TMEM132C: variants seen among roughly 807,000 people sequenced by gnomAD.
TMEM132C encodes transmembrane protein 132C.
Under a neutral mutation model 61.4 loss-of-function variants are expected in TMEM132C, and 29 were observed. The observed-to-expected ratio is 0.47, with a 90% CI of 0.35 to 0.64. The LOEUF is 0.64. Ranked by LOEUF, TMEM132C falls within the 30% of genes least tolerant of loss-of-function variation. The pLI is 0.00. For synonymous variants in TMEM132C, 656 were observed against 633.1 expected (o/e 1.04, Z -0.54); for missense variants, 1,408 against 1,476.9 (o/e 0.95, Z 0.76).
intron 5 of TMEM132C, among the ~76,000 whole-genome samples, chr12:128,693,486 T>C (rs889931854): frequency 6.6e-6 from 1 of 152,172 alleles, no homozygotes; most frequent in African/African-American, 2.4e-5. Flanking sequence ...TAAGAAATGG[T>C]AGCTAAAAAT....
At chr12:128,268,888 G>T (rs1330682895) in intron 1 of TMEM132C, among the ~76,000 whole-genome samples, 8 of 94,980 alleles carry the variant, frequency 8.4e-5, no homozygotes, top group Admixed American at 7.3e-4. Context: ...GGTGAGAGAG[G>T]GGGGGGAAGA....
chr12:128,528,379 AAG>A (rs1873167541), intron 2 of TMEM132C, among the ~76,000 whole-genome samples: 2 of 152,216 alleles, frequency 1.3e-5, no homozygotes, highest in African/African-American at 2.4e-5. Flanking sequence ...TAGGTAAGGC[AAG>A]CTCATAAAAA....
At chr12:128,568,386 C>G (rs1874769795) in intron 3 of TMEM132C, among the ~76,000 whole-genome samples, 1 of 152,176 alleles carries the variant, frequency 6.6e-6, no homozygotes, top group Non-Finnish European at 1.5e-5. Context: ...CCTTGTTCCA[C>G]AAAGGATTTT....
chr12:128,273,039 A>G (rs1870573720), intron 1 of TMEM132C, among the ~76,000 whole-genome samples: 1 of 152,168 alleles, frequency 6.6e-6, no homozygotes, highest in South Asian at 2.1e-4. Flanking sequence ...GTCACATCTA[A>G]GGAAGCTGTG....
intron 1 of TMEM132C, among the ~76,000 whole-genome samples, chr12:128,272,007 C>A (rs1457929577): frequency 6.6e-6 from 1 of 152,210 alleles, no homozygotes; most frequent in Non-Finnish European, 1.5e-5. Context: ...ATTTTTACAG[C>A]CATCTACTTT....
chr12:128,393,761 C>T (rs1874846002), intron 1 of TMEM132C, among the ~76,000 whole-genome samples: 1 of 152,138 alleles, frequency 6.6e-6, no homozygotes, highest in African/African-American at 2.4e-5. Context: ...AAAAAGGCTG[C>T]TCCATCTCCA....
intron 2 of TMEM132C, among the ~76,000 whole-genome samples, chr12:128,455,875 G>A (rs1174007565): frequency 1.3e-5 from 2 of 152,194 alleles, no homozygotes; most frequent in African/African-American, 2.4e-5. Flanking sequence ...CCAGCAGCAA[G>A]GAGAGGAAGT....
At chr12:128,599,593 T>C (rs1224585036) in intron 3 of TMEM132C, among the ~76,000 whole-genome samples, 1 of 152,170 alleles carries the variant, frequency 6.6e-6, no homozygotes, top group Non-Finnish European at 1.5e-5. Flanking sequence ...CCAGGAAGCT[T>C]TACCAAAATG....
intron 2 of TMEM132C, among the ~76,000 whole-genome samples, chr12:128,480,543 AC>A (rs34319534): frequency 6.6e-6 from 1 of 152,044 alleles, no homozygotes; most frequent in South Asian, 2.1e-4. Flanking sequence ...ATCTGGCTGC[AC>A]CCCCTTTTCT....
At chr12:128,322,393 A>G (rs887337978) in intron 1 of TMEM132C, among the ~76,000 whole-genome samples, 10 of 152,246 alleles carry the variant, frequency 6.6e-5, no homozygotes, top group South Asian at 2.1e-4. Context: ...GCCCTGCCCA[A>G]ATGACAGATT....
At chr12:128,430,793 C>A (rs2136038054) in intron 2 of TMEM132C, among the ~76,000 whole-genome samples, 1 of 152,308 alleles carries the variant, frequency 6.6e-6, no homozygotes, top group Non-Finnish European at 1.5e-5. Context: ...GCACCATGAA[C>A]TGTGCCCATA....
chr12:128,592,403 T>C (rs2135567295), intron 3 of TMEM132C, among the ~76,000 whole-genome samples: 1 of 152,352 alleles, frequency 6.6e-6, no homozygotes. Flanking sequence ...TCCCAGTTTC[T>C]GAATGGCAAG....
chr12:128,529,075 A>G (rs1873191316), intron 2 of TMEM132C, among the ~76,000 whole-genome samples: 1 of 152,190 alleles, frequency 6.6e-6, no homozygotes, highest in Admixed American at 6.5e-5. Context: ...CTTGCCCTGT[A>G]TAACACTCAC....
chr12:128,635,002 T>G (rs1041531122), intron 4 of TMEM132C, among the ~76,000 whole-genome samples: 3 of 152,196 alleles, frequency 2.0e-5, no homozygotes, highest in African/African-American at 7.2e-5. Flanking sequence ...GAAGAAGCAG[T>G]TTTCATTCTT....
chr12:128,365,802 C>A (rs1873847887), intron 1 of TMEM132C, among the ~76,000 whole-genome samples: 1 of 152,114 alleles, frequency 6.6e-6, no homozygotes, highest in Non-Finnish European at 1.5e-5. Context: ...CTCCTGGGCC[C>A]CTTGAAAACT....
chr12:128,642,465 G>T (rs1039268270), intron 4 of TMEM132C, among the ~76,000 whole-genome samples: 5 of 152,148 alleles, frequency 3.3e-5, no homozygotes, highest in African/African-American at 1.2e-4. Flanking sequence ...TTGGAGGTGG[G>T]GCCTGATGGG....
intron 2 of TMEM132C, among the ~76,000 whole-genome samples, chr12:128,427,426 G>GTATA (rs1164034594): frequency 8.4e-5 from 12 of 142,384 alleles, no homozygotes; most frequent in African/African-American, 3.0e-4. Context: ...GTGTGTGTGT[G>GTATA]TGTATATATA....
chr12:128,425,750 C>G (rs544392133), intron 2 of TMEM132C, among the ~76,000 whole-genome samples: 1 of 152,298 alleles, frequency 6.6e-6, no homozygotes, highest in African/African-American at 2.4e-5. Context: ...CTCTCCAACG[C>G]CTGCCCCTGT....
chr12:128,385,569 G>A (rs58688353), intron 1 of TMEM132C, among the ~76,000 whole-genome samples: 22,087 of 152,182 alleles, frequency 0.15, 1,798 homozygotes, highest in East Asian at 0.22. Flanking sequence ...ACCTGAGCCC[G>A]TGGGCTTTGT....
Sources: gnomAD v4.1 joint callset for allele counts (sites outside exome capture counted in the v4.1 genomes callset) on GRCh38, gnomAD v4.1.1 for gene constraint, MANE v1.5 for transcripts, NCBI Gene and HGNC (gene_info 2026-07-23, HGNC 2026-07-21) for gene names.